Variants in FCHO2 observed in about 807,000 individuals in gnomAD.
FCHO2 encodes the protein F-BAR domain only protein 2.
A neutral mutation model predicts 114.1 loss-of-function variants in FCHO2; 43 were observed. That is an observed-to-expected ratio of 0.38 (90% CI 0.30 to 0.49). The LOEUF (loss-of-function observed/expected upper bound fraction) is 0.49, where lower values mean the gene tolerates loss of function less well. Among genes scored for constraint, FCHO2 ranks in the 20% least tolerant of loss-of-function variants. The pLI is 0.97. For synonymous variants in FCHO2, 293 were observed against 315.2 expected (o/e 0.93, Z 0.75); for missense variants, 807 against 950.4 (o/e 0.85, Z 1.98).
intron 5 of FCHO2, among the ~76,000 whole-genome samples, chr5:73,002,329 T>G (rs1041292676): frequency 6.6e-6 from 1 of 152,212 alleles, no homozygotes; most frequent in Admixed American, 6.5e-5. Flanking sequence ...CCTCCATGTC[T>G]TAAAGGCCTA....
chr5:73,018,936 T>C (rs1358003347), intron 8 of FCHO2, among the ~76,000 whole-genome samples: 2 of 152,188 alleles, frequency 1.3e-5, no homozygotes, highest in Non-Finnish European at 2.9e-5. Flanking sequence ...TCAGAGAAAG[T>C]CAGCCAAGGG....
Position 73,032,094 on chromosome 5 carries a change from G to T in FCHO2, c.797-2563G>T, listed in dbSNP as rs1010203280. ...ACAGTTCAGAAGTGACATGCTACAG[G>T]GGGGGTCAGAATGTGCATTGATATC... On this transcript the variant is annotated intron_variant, in intron 8 of 25. Coordinates refer to ENST00000430046, the MANE Select transcript of FCHO2 (RefSeq NM_138782.3). Among the ~76,000 whole-genome samples the T allele has an allele frequency of 2.0e-5, 3 of 152,294 alleles. No homozygotes were observed. In the South Asian group the frequency reaches 6.2e-4, roughly 32 times the overall value.
chr5:73,039,800 C>T (rs1242260971), intron 10 of FCHO2, among the ~76,000 whole-genome samples: 5 of 151,952 alleles, frequency 3.3e-5, no homozygotes, highest in Admixed American at 1.3e-4. Context: ...TGGTGGTACA[C>T]ACCTGTAATC....
chr5:72,999,314 TAAA>T (rs1285133361), intron 5 of FCHO2, among the ~76,000 whole-genome samples: 2 of 151,780 alleles, frequency 1.3e-5, no homozygotes, highest in East Asian at 1.9e-4. Context: ...TTTTGTGACT[TAAA>T]AACATAAATA....
chr5:73,088,390 A>T lies in FCHO2; in HGVS notation c.*300A>T. On this transcript the variant is annotated 3_prime_UTR_variant, in exon 26 of 26. Transcript: ENST00000430046. ...AAATTATTTCCAGTGTCTATGTTGA[A>T]AAAAAGGGTTATAGTGTAATATCAG... 1 of 370,566 alleles carries T rather than the reference A, an allele frequency of 2.7e-6. No homozygotes were observed. Among genetic ancestry groups the T allele is most frequent in the Non-Finnish European group, 5.0e-6 (1 of 201,204 alleles). The allele number at this position is 370,566 out of a possible 1,614,324, so 23.0% of individuals were successfully genotyped here. A position where few individuals can be genotyped will look rare whatever the true frequency, so the allele number is the denominator to read the frequency against.
intron 2 of FCHO2, among the ~76,000 whole-genome samples, chr5:72,973,395 A>G (rs2112618209): frequency 6.6e-6 from 1 of 152,330 alleles, no homozygotes; most frequent in South Asian, 2.1e-4. Context: ...TTATTGGTCT[A>G]TTCAGAGATT....
chr5:72,969,806 G>C (rs959466589), intron 2 of FCHO2, among the ~76,000 whole-genome samples: 1 of 152,078 alleles, frequency 6.6e-6, no homozygotes, highest in African/African-American at 2.4e-5. Context: ...TGATAAAAGT[G>C]ATATTTCATT....
At chr5:73,016,653 A>G (rs1755321410) in intron 7 of FCHO2, among the ~76,000 whole-genome samples, 1 of 107,704 alleles carries the variant, frequency 9.3e-6, no homozygotes, top group Non-Finnish European at 1.8e-5. Flanking sequence ...AAATTGTTTA[A>G]ATATTAAAAA....
In FCHO2 at chr5:73,088,294, A is replaced by G; in HGVS notation, c.*204A>G. On this transcript the variant is annotated 3_prime_UTR_variant, in exon 26 of 26. Transcript: ENST00000430046. ...ATGATTCTCTATGTTGTAAATGATCAACTACAATATTCAGGAAGCACATTT... is the reference window on the plus strand; with the variant it reads ...ATGATTCTCTATGTTGTAAATGATCGACTACAATATTCAGGAAGCACATTT... 1 of 603,856 alleles carries G rather than the reference A, an allele frequency of 1.7e-6. No individual in the cohort carries two copies. Among genetic ancestry groups the G allele is most frequent in the Non-Finnish European group, 2.9e-6 (1 of 349,912 alleles). 37.4% of individuals were successfully genotyped at this position (603,856 alleles called of 1,614,324 possible).
At chr5:73,013,282 C>G (rs1282789065) in intron 6 of FCHO2, among the ~76,000 whole-genome samples, 1 of 150,334 alleles carries the variant, frequency 6.7e-6, no homozygotes, top group African/African-American at 2.4e-5. Flanking sequence ...TTTAGAGGTT[C>G]TTACCATTTA....
chr5:72,967,123 TA>T (rs2112598949), intron 1 of FCHO2, among the ~76,000 whole-genome samples: 1 of 152,278 alleles, frequency 6.6e-6, no homozygotes, highest in East Asian at 1.9e-4. Context: ...CTGTCTCTTC[TA>T]AAAATACAAA....
chr5:73,003,810 T>C (rs1334050746), intron 5 of FCHO2, among the ~76,000 whole-genome samples: 2 of 151,862 alleles, frequency 1.3e-5, no homozygotes, highest in African/African-American at 4.8e-5. Flanking sequence ...TTGGGAGGCC[T>C]AGGCGTGTGG....
chr5:73,079,056 T>C (rs762988946), intron 22 of FCHO2, among the ~76,000 whole-genome samples: 26 of 152,300 alleles, frequency 1.7e-4, no homozygotes, highest in Non-Finnish European at 3.5e-4. Flanking sequence ...TTGACAATCA[T>C]TTTCACGTTT....
intron 1 of FCHO2, among the ~76,000 whole-genome samples, chr5:72,957,678 A>G (rs1458012785): frequency 6.6e-6 from 1 of 152,166 alleles, no homozygotes; most frequent in East Asian, 1.9e-4. Flanking sequence ...TTTTGTGTGA[A>G]CATATGTTTT....
At chr5:73,011,127 T>C (rs906395105) in intron 6 of FCHO2, among the ~76,000 whole-genome samples, 1 of 152,142 alleles carries the variant, frequency 6.6e-6, no homozygotes, top group East Asian at 1.9e-4. Context: ...AGAACACTTA[T>C]GTTGAATGGA....
intron 18 of FCHO2, 143 bp downstream of exon 18, chr5:73,064,087 G>T: frequency 1.5e-6 from 1 of 678,162 alleles, no homozygotes; most frequent in Non-Finnish European, 2.5e-6. Context: ...CCCAGCTAGT[G>T]CTTCCTTTAC....
intron 24 of FCHO2, among the ~76,000 whole-genome samples, chr5:73,083,425 T>C (rs1743189043): frequency 6.6e-6 from 1 of 152,214 alleles, no homozygotes; most frequent in Non-Finnish European, 1.5e-5. Context: ...ACTTCTTATA[T>C]TTACATGCTA....
chr5:73,072,570 C>T (rs2051605211), intron 19 of FCHO2, among the ~76,000 whole-genome samples: 3 of 151,968 alleles, frequency 2.0e-5, no homozygotes. Context: ...TATTATTCAG[C>T]CTTAAAAGGG....
intron 5 of FCHO2, among the ~76,000 whole-genome samples, chr5:72,993,201 A>G (rs1050140363): frequency 1.3e-5 from 2 of 152,080 alleles, no homozygotes; most frequent in Non-Finnish European, 2.9e-5. Context: ...AACAAGATCT[A>G]CTAGATAGAA....
Sources: gnomAD v4.1 joint callset for allele counts (sites outside exome capture counted in the v4.1 genomes callset) on GRCh38, gnomAD v4.1.1 for gene constraint, MANE v1.5 for transcripts, NCBI Gene and HGNC (gene_info 2026-07-23, HGNC 2026-07-21) for gene names.